Variants in KIF1B observed in about 807,000 individuals in gnomAD.
KIF1B encodes the protein kinesin-like protein KIF1B.
KIF1B carries 76 observed loss-of-function variants against 241.9 expected under a neutral mutation model. The ratio of observed to expected loss-of-function variants is 0.31; its 90% CI spans 0.26 to 0.38. The LOEUF (loss-of-function observed/expected upper bound fraction) is 0.38. KIF1B is among the 10% of genes least tolerant of loss of function. The pLI is 1.00. For synonymous variants in KIF1B, 750 were observed against 796.7 expected (o/e 0.94, Z 0.99); for missense variants, 1,622 against 2,271.4 (o/e 0.71, Z 5.81).
intron 38 of KIF1B, among the ~76,000 whole-genome samples, chr1:10,355,180 G>T (rs1652931509): frequency 6.6e-6 from 1 of 152,146 alleles, no homozygotes; most frequent in African/African-American, 2.4e-5. Context: ...TCAGGAGAGG[G>T]ACCCATGTTA....
intron 2 of KIF1B, among the ~76,000 whole-genome samples, chr1:10,251,435 T>A (rs1054799053): frequency 1.3e-5 from 2 of 151,826 alleles, no homozygotes; most frequent in Non-Finnish European, 2.9e-5. Flanking sequence ...GAGTGAAATA[T>A]GGCTTAAAAG....
Position 10,380,093 on chromosome 1 carries a change from G to C in KIF1B, c.*3506G>C, listed in dbSNP as rs1031623970. ...TGAAGGAACTAAGTCATTGTGAACTGTCTCTTGAGATCTAAAAACAAGATG... is the reference window on the plus strand; with the variant it reads ...TGAAGGAACTAAGTCATTGTGAACTCTCTCTTGAGATCTAAAAACAAGATG... On this transcript the variant is annotated 3_prime_UTR_variant, in exon 49 of 49. Transcript: ENST00000676179. 24 of 227,796 alleles carry C rather than the reference G, an allele frequency of 1.1e-4. No individual in the cohort carries two copies. Among genetic ancestry groups the C allele is most frequent in the Non-Finnish European group, 1.5e-4 (17 of 114,532 alleles). 14.1% of individuals were successfully genotyped at this position (227,796 alleles called of 1,614,324 possible).
Position 10,374,996 on chromosome 1 carries a change from C to A in KIF1B, c.5239C>A (p.Leu1747Met). The A allele has an allele frequency of 6.2e-7, 1 of 1,614,182 alleles. No homozygotes were observed. The highest frequency in any genetic ancestry group is 8.5e-7 in the Non-Finnish European group (1 of 1,180,022). ...KDPVERGIIN[L>M]STAQVEYSED... is the part of the protein sequence containing the mutation. ...CCCTGTGGAGCGTGGAATCATTAAC[C>A]TGTCCACAGCACAGGTGGAGTACAG... The change falls in exon 47 of 49, where the codon CTG becomes ATG. Residue 1747 changes from leucine to methionine, a missense_variant. Coordinates refer to ENST00000676179, the MANE Select transcript of KIF1B (RefSeq NM_001365951.3). The surrounding 1 kb of genome is among the most constrained non-coding windows in gnomAD (Gnocchi z 4.3).
chr1:10,315,168 A>ATTT (rs1651246089), intron 22 of KIF1B, among the ~76,000 whole-genome samples: 5 of 121,686 alleles, frequency 4.1e-5, no homozygotes, highest in African/African-American at 1.7e-4. Flanking sequence ...AATCAAGAAT[A>ATTT]TTCTTTTTTT....
intron 5 of KIF1B, among the ~76,000 whole-genome samples, chr1:10,262,897 A>T (rs1166904694): frequency 6.6e-6 from 1 of 152,202 alleles, no homozygotes; most frequent in Non-Finnish European, 1.5e-5. Flanking sequence ...AAACTTGGAA[A>T]GTAATTATCC....
At chr1:10,286,705 T>C (rs776777922) in intron 15 of KIF1B, among the ~76,000 whole-genome samples, 8 of 152,248 alleles carry the variant, frequency 5.3e-5, no homozygotes, top group Non-Finnish European at 1.0e-4. Flanking sequence ...TATATGAACA[T>C]AATTTATTAA....
intron 22 of KIF1B, among the ~76,000 whole-genome samples, chr1:10,301,150 ACAAAG>A (rs1650522618): frequency 6.6e-6 from 1 of 152,198 alleles, no homozygotes; most frequent in Non-Finnish European, 1.5e-5. Flanking sequence ...GTCTCAAAAA[ACAAAG>A]CAAACAAAGA....
intron 22 of KIF1B, among the ~76,000 whole-genome samples, chr1:10,318,827 A>G (rs1281401160): frequency 6.6e-6 from 1 of 152,114 alleles, no homozygotes; most frequent in Non-Finnish European, 1.5e-5. Context: ...TACTTATTTT[A>G]TTTTCACTAA....
At chr1:10,329,849 A>G (rs1218187017) in intron 27 of KIF1B, among the ~76,000 whole-genome samples, 1 of 152,170 alleles carries the variant, frequency 6.6e-6, no homozygotes, top group African/African-American at 2.4e-5. Flanking sequence ...CCCTTTAGCT[A>G]TTCTCTTATG....
At chr1:10,313,887 A>AATTATT (rs879403654) in intron 22 of KIF1B, among the ~76,000 whole-genome samples, 4 of 147,902 alleles carry the variant, frequency 2.7e-5, no homozygotes, top group East Asian at 4.0e-4. Flanking sequence ...CTACTGAAAA[A>AATTATT]ATTATTATTA....
rs753683228 is a variant in KIF1B, at chr1:10,376,598, C to G, written c.*11C>G. The G allele has an allele frequency of 6.2e-7, 1 of 1,613,498 alleles. No individual in the cohort carries two copies. The highest frequency in any genetic ancestry group is 1.3e-5 in the African/African-American group (1 of 74,884). On this transcript the variant is annotated 3_prime_UTR_variant, in exon 49 of 49. Coordinates refer to ENST00000676179, the MANE Select transcript of KIF1B (RefSeq NM_001365951.3). ...CAGTCGAAATACTAAGTGACTCTGC[C>G]GAGTGCCCTCACTCGCCTTCGAGAG...
At chr1:10,357,963 C>T (rs1014928641) in intron 38 of KIF1B, among the ~76,000 whole-genome samples, 11 of 149,378 alleles carry the variant, frequency 7.4e-5, no homozygotes, top group East Asian at 3.9e-4. Flanking sequence ...GAGCCAAGAT[C>T]GCACCATTGC....
intron 38 of KIF1B, among the ~76,000 whole-genome samples, chr1:10,357,590 G>A (rs370594931): frequency 1.3e-5 from 2 of 152,134 alleles, no homozygotes; most frequent in African/African-American, 2.4e-5. Flanking sequence ...TTAATTAGCC[G>A]GGTGTGGTGG....
chr1:10,295,892 G>A (rs1022844402), intron 19 of KIF1B, 126 bp downstream of exon 19: 1 of 847,262 alleles, frequency 1.2e-6, no homozygotes, highest in Non-Finnish European at 1.9e-6. Context: ...GAAAAATGGA[G>A]AGACCTGGGC....
Position 10,229,959 on chromosome 1 carries a change from G to C in KIF1B, c.-79-2291G>C, listed in dbSNP as rs1408794180. Among the ~76,000 whole-genome samples the C allele has an allele frequency of 4.6e-5, 7 of 151,686 alleles. No homozygotes were observed. In the East Asian group the frequency reaches 1.3e-3, roughly 29 times the overall value. On this transcript the variant is annotated intron_variant, in intron 1 of 48. Transcript: ENST00000676179. The stretch of plus-strand genomic sequence containing the variant: ...TATAATCCCAGCACTTTGGGAGGCT[G>C]AGTCAGGAGTTTGAGAACAGACTGG...
chr1:10,323,505 C>G (rs978938066), intron 24 of KIF1B, among the ~76,000 whole-genome samples: 5 of 151,902 alleles, frequency 3.3e-5, no homozygotes, highest in African/African-American at 1.2e-4. Context: ...GCCTGTAGTC[C>G]CAGGTACTCA....
chr1:10,358,288 C>G (rs551031151), intron 38 of KIF1B, among the ~76,000 whole-genome samples: 1 of 151,972 alleles, frequency 6.6e-6, no homozygotes, highest in Admixed American at 6.6e-5. Flanking sequence ...TGTGAAGAGG[C>G]TTTTTTAGAC....
intron 2 of KIF1B, among the ~76,000 whole-genome samples, chr1:10,249,061 C>T (rs933163607): frequency 2.0e-5 from 3 of 152,230 alleles, no homozygotes; most frequent in Admixed American, 6.5e-5. Flanking sequence ...GGAGTCCATT[C>T]TTTGCAGGAA....
At chr1:10,259,430 T>C (rs1647987531) in intron 4 of KIF1B, among the ~76,000 whole-genome samples, 1 of 151,762 alleles carries the variant, frequency 6.6e-6, no homozygotes, top group South Asian at 2.1e-4. Context: ...TCCTCCTGCC[T>C]TAGCCTCCAG....
Sources: gnomAD v4.1 joint callset for allele counts (sites outside exome capture counted in the v4.1 genomes callset) on GRCh38, gnomAD v4.1.1 for gene constraint, Gnocchi (gnomAD v3.1) non-coding constraint, MANE v1.5 for transcripts, NCBI Gene and HGNC (gene_info 2026-07-23, HGNC 2026-07-21) for gene names.